Variants in AGK observed in about 807,000 individuals in gnomAD.
AGK encodes acylglycerol kinase.
AGK carries 52 observed loss-of-function variants against 66.4 expected under a neutral mutation model. The observed-to-expected ratio is 0.78, with a 90% CI of 0.63 to 0.99. The LOEUF is 0.99. AGK is among the 50% of genes least tolerant of loss of function. The probability of loss-of-function intolerance (pLI) is 0.00; values close to 1 mark genes in which losing one functional copy is unlikely to be tolerated. For synonymous variants in AGK, 182 were observed against 181.1 expected, an observed-to-expected ratio of 1.00 and a Z score of -0.04; for missense variants, 451 against 506.6, an observed-to-expected ratio of 0.89 and a Z score of 1.05.
At chr7:141,620,303 A>AAAGTATG (rs996426293) in intron 8 of AGK, among the ~76,000 whole-genome samples, 4 of 152,194 alleles carry the variant, frequency 2.6e-5, no homozygotes, top group African/African-American at 9.7e-5. Context: ...AGTGTACCTA[A>AAAGTATG]AAGTATGAAT....
At chr7:141,615,631 G>A in intron 8 of AGK, 66 bp downstream of exon 8, 1 of 1,247,542 alleles carries the variant, frequency 8.0e-7, no homozygotes, top group Non-Finnish European at 1.2e-6. Context: ...AAATTTATGT[G>A]TATGCTATAA....
intron 5 of AGK, among the ~76,000 whole-genome samples, chr7:141,605,646 C>T (rs188262626): frequency 6.6e-6 from 1 of 152,310 alleles, no homozygotes; most frequent in African/African-American, 2.4e-5. Flanking sequence ...GGAATTGTAG[C>T]ACTTCACATA....
At chr7:141,648,896 A>G (rs1797480938) in intron 13 of AGK, among the ~76,000 whole-genome samples, 1 of 152,196 alleles carries the variant, frequency 6.6e-6, no homozygotes, top group Non-Finnish European at 1.5e-5. Context: ...TACAGTGAAC[A>G]CTGAGATTGC....
intron 8 of AGK, among the ~76,000 whole-genome samples, chr7:141,617,625 A>T (rs1000062414): frequency 6.6e-6 from 1 of 152,222 alleles, no homozygotes; most frequent in East Asian, 1.9e-4. Flanking sequence ...GTGCTATTCC[A>T]TGCTACAGTG....
intron 9 of AGK, among the ~76,000 whole-genome samples, chr7:141,625,950 G>A (rs1188404459): frequency 1.3e-5 from 2 of 151,998 alleles, no homozygotes; most frequent in Non-Finnish European, 2.9e-5. Context: ...TTCTTATTGT[G>A]TAATGTTTTC....
At chr7:141,584,395 C>T (rs1338562084) in intron 2 of AGK, among the ~76,000 whole-genome samples, 1 of 152,194 alleles carries the variant, frequency 6.6e-6, no homozygotes, top group Non-Finnish European at 1.5e-5. Flanking sequence ...CATATACATG[C>T]AGGTCACAGG....
rs372497564 is a variant in AGK, at chr7:141,564,840, C to T, written c.101+9273C>T. On this transcript the variant is annotated intron_variant, in intron 2 of 15. Coordinates refer to ENST00000649286, the MANE Select transcript of AGK (RefSeq NM_018238.4). ...TGCCTTCTGGGTTCAAGCGATTCTCCTGTCTCAGCCTCCTGAGTAGCTGGG... is the reference window on the plus strand; with the variant it reads ...TGCCTTCTGGGTTCAAGCGATTCTCTTGTCTCAGCCTCCTGAGTAGCTGGG... Among the ~76,000 whole-genome samples the T allele has an allele frequency of 3.3e-5, 5 of 152,278 alleles. No homozygotes were observed. The East Asian group carries it at 7.7e-4, about 24-fold the overall frequency.
chr7:141,603,479 G>T lies in AGK; in HGVS notation c.297+2199G>T, dbSNP rs1321863275. ...CTTGCTTATTTTTAGTTTTTGCCTG[G>T]TATCATTTTTATATCCCTTTATTTT... On this transcript the variant is annotated intron_variant, in intron 5 of 15. Transcript: ENST00000649286. 2.0e-5 allele frequency among the ~76,000 whole-genome samples: 3 copies of T among 151,816 alleles called. No individual in the cohort carries two copies. The East Asian group carries it at 5.8e-4, about 29-fold the overall frequency.
At chr7:141,587,533 G>A (rs1331023811) in intron 2 of AGK, among the ~76,000 whole-genome samples, 1 of 152,112 alleles carries the variant, frequency 6.6e-6, no homozygotes, top group Non-Finnish European at 1.5e-5. Context: ...GGCCTCCAGC[G>A]GTTCCGAACT....
At chr7:141,583,423 T>TG (rs1159150922) in intron 2 of AGK, among the ~76,000 whole-genome samples, 6 of 78,998 alleles carry the variant, frequency 7.6e-5, no homozygotes, top group South Asian at 4.1e-4. Flanking sequence ...AGAGAAGGGG[T>TG]GGGGGGGTGC....
At chr7:141,645,359 A>G (rs1358103198) in intron 13 of AGK, among the ~76,000 whole-genome samples, 1 of 152,210 alleles carries the variant, frequency 6.6e-6, no homozygotes, top group African/African-American at 2.4e-5. Context: ...AGATGGACAT[A>G]TAATTGATTT....
chr7:141,556,052 C>T lies in AGK; in HGVS notation c.101+485C>T, dbSNP rs551739764. On this transcript the variant is annotated intron_variant, in intron 2 of 15. Transcript: ENST00000649286. ...GAGATATGACACATCAATCAATATA[C>T]GTAAGATGAACATTGGTTTTGGTCT... is the stretch of plus-strand genomic sequence containing the variant. Among the ~76,000 whole-genome samples the T allele has an allele frequency of 9.9e-5, 15 of 152,208 alleles. No homozygotes were observed. In the South Asian group the frequency reaches 1.4e-3, roughly 15 times the overall value.
At chr7:141,593,094 G>A in intron 2 of AGK, 52 bp from the exon 3 acceptor site, 1 of 1,503,858 alleles carries the variant, frequency 6.6e-7, no homozygotes, top group Non-Finnish European at 9.2e-7. Flanking sequence ...AATTTTGTTT[G>A]GATCATAATC....
intron 1 of AGK, among the ~76,000 whole-genome samples, chr7:141,554,741 CTGTT>C (rs1467766076): frequency 6.6e-6 from 1 of 152,154 alleles, no homozygotes; most frequent in African/African-American, 2.4e-5. Context: ...TAGTGTCACT[CTGTT>C]TTTTAGTAAA....
At chr7:141,563,261 G>A (rs1795391219) in intron 2 of AGK, among the ~76,000 whole-genome samples, 1 of 152,204 alleles carries the variant, frequency 6.6e-6, no homozygotes. Flanking sequence ...CCTTTTATCT[G>A]TCATCTTGCT....
intron 2 of AGK, among the ~76,000 whole-genome samples, chr7:141,568,593 A>G (rs546493237): frequency 1.4e-5 from 2 of 145,822 alleles, no homozygotes; most frequent in Non-Finnish European, 3.0e-5. Context: ...TTTTTTTGAG[A>G]CACAGTCTCA....
rs930040781 is a variant in AGK, at chr7:141,596,483, T to A, written c.142-79T>A. 17 of 1,316,038 alleles carry A rather than the reference T, an allele frequency of 1.3e-5. No homozygotes were observed. The Admixed American group carries it at 1.4e-4, about 11-fold the overall frequency. The allele number at this position is 1,316,038 out of a possible 1,614,324, so 81.5% of individuals were successfully genotyped here. A position where few individuals can be genotyped will look rare whatever the true frequency, so the allele number is the denominator to read the frequency against. On this transcript the variant is annotated intron_variant, in intron 3 of 15. Transcript: ENST00000649286. ...TACCTTATGTGCTGCAAGTACATTT[T>A]TTTTGGAATGAAAGAATACATGTGA...
intron 8 of AGK, among the ~76,000 whole-genome samples, chr7:141,620,914 C>T (rs1796809848): frequency 6.6e-6 from 1 of 152,172 alleles, no homozygotes; most frequent in African/African-American, 2.4e-5. Flanking sequence ...CAAGGTTTAA[C>T]TGGAGAAGGG....
intron 2 of AGK, among the ~76,000 whole-genome samples, chr7:141,565,423 G>C (rs1562959414): frequency 1.3e-5 from 2 of 152,246 alleles, no homozygotes; most frequent in South Asian, 4.1e-4. Flanking sequence ...GGCCGAGGCG[G>C]GCAGATCAAC....
Sources: gnomAD v4.1 joint callset for allele counts (sites outside exome capture counted in the v4.1 genomes callset) on GRCh38, gnomAD v4.1.1 for gene constraint, MANE v1.5 for transcripts, NCBI Gene and HGNC (gene_info 2026-07-23, HGNC 2026-07-21) for gene names.